Variants in PDLIM5 observed in about 807,000 individuals in gnomAD.
PDLIM5 encodes PDZ and LIM domain protein 5.
PDLIM5 carries 34 observed loss-of-function variants against 64.2 expected under a neutral mutation model. The ratio of observed to expected loss-of-function variants is 0.53; its 90% CI spans 0.40 to 0.71. PDLIM5 has a LOEUF of 0.71. PDLIM5 is among the 30% of genes least tolerant of loss of function. The probability of loss-of-function intolerance (pLI) is 0.00; values close to 1 mark genes in which losing one functional copy is unlikely to be tolerated. For synonymous variants in PDLIM5, 253 were observed against 269.1 expected (o/e 0.94, Z 0.59); for missense variants, 683 against 733.6 (o/e 0.93, Z 0.80).
At chr4:94,576,121 A>C in intron 5 of PDLIM5, 87 bp downstream of exon 5, 1 of 1,146,276 alleles carries the variant, frequency 8.7e-7, no homozygotes, top group Non-Finnish European at 1.3e-6. Context: ...CTCCCCCAAA[A>C]CCAACTTTCT....
chr4:94,648,630 A>G (rs1258430207), intron 9 of PDLIM5, among the ~76,000 whole-genome samples: 1 of 152,156 alleles, frequency 6.6e-6, no homozygotes, highest in Non-Finnish European at 1.5e-5. Context: ...TCATGAGTCT[A>G]TGGGTTAGCT....
intron 3 of PDLIM5, among the ~76,000 whole-genome samples, chr4:94,572,837 A>G (rs979384223): frequency 4.6e-5 from 7 of 152,238 alleles, no homozygotes; most frequent in Admixed American, 1.3e-4. Flanking sequence ...GAATAGGAAT[A>G]CAGAATAAAT....
chr4:94,606,220 G>A (rs960996207), intron 7 of PDLIM5, among the ~76,000 whole-genome samples: 1 of 152,154 alleles, frequency 6.6e-6, no homozygotes, highest in Non-Finnish European at 1.5e-5. Context: ...GTATCAGGGA[G>A]CTTCTAGTCT....
intron 8 of PDLIM5, among the ~76,000 whole-genome samples, chr4:94,634,830 C>T (rs151214518): frequency 6.6e-6 from 1 of 152,132 alleles, no homozygotes; most frequent in African/African-American, 2.4e-5. Flanking sequence ...CACGTACTAC[C>T]GGGAACTTGA....
chr4:94,598,335 C>T (rs1464063169), intron 7 of PDLIM5, among the ~76,000 whole-genome samples: 1 of 152,112 alleles, frequency 6.6e-6, no homozygotes, highest in Non-Finnish European at 1.5e-5. Flanking sequence ...GTAAATCTCA[C>T]CTGGTGGCAT....
At chr4:94,470,848 C>T (rs984480818) in intron 2 of PDLIM5, among the ~76,000 whole-genome samples, 3 of 152,092 alleles carry the variant, frequency 2.0e-5, no homozygotes, top group Non-Finnish European at 4.4e-5. Context: ...AATAACATAT[C>T]CAAGAGTGGG....
chr4:94,630,929 T>A (rs1317073801), intron 8 of PDLIM5, among the ~76,000 whole-genome samples: 1 of 152,144 alleles, frequency 6.6e-6, no homozygotes, highest in African/African-American at 2.4e-5. Flanking sequence ...GATCTATAAT[T>A]ATGTTTCTCA....
chr4:94,553,832 G>A (rs1019610483), intron 3 of PDLIM5, among the ~76,000 whole-genome samples: 2 of 152,170 alleles, frequency 1.3e-5, no homozygotes, highest in African/African-American at 4.8e-5. Context: ...GCTTTCCACA[G>A]AGAGTATTAT....
chr4:94,591,809 T>C (rs1383190095), intron 7 of PDLIM5, among the ~76,000 whole-genome samples: 2 of 152,240 alleles, frequency 1.3e-5, no homozygotes, highest in Non-Finnish European at 2.9e-5. Context: ...CATTTCTTAA[T>C]AAGCATCCTG....
chr4:94,479,756 T>C (rs1344526557), intron 2 of PDLIM5, among the ~76,000 whole-genome samples: 2 of 152,218 alleles, frequency 1.3e-5, no homozygotes, highest in East Asian at 3.8e-4. Flanking sequence ...TCATATCTTG[T>C]GTTTTTTTTA....
At chr4:94,618,360 C>A (rs1738957605) in intron 8 of PDLIM5, among the ~76,000 whole-genome samples, 169 bp downstream of exon 8, 1 of 152,198 alleles carries the variant, frequency 6.6e-6, no homozygotes, top group African/African-American at 2.4e-5. Flanking sequence ...TGAGACATCT[C>A]ATAAACATTC....
intron 2 of PDLIM5, among the ~76,000 whole-genome samples, chr4:94,468,523 C>T (rs1036703640): frequency 4.6e-5 from 7 of 152,104 alleles, no homozygotes; most frequent in Non-Finnish European, 7.4e-5. Context: ...TAAACCTAGT[C>T]TGTGCTCTGT....
intron 1 of PDLIM5, among the ~76,000 whole-genome samples, chr4:94,453,645 C>T (rs1723059476): frequency 6.6e-6 from 1 of 152,150 alleles, no homozygotes; most frequent in South Asian, 2.1e-4. Flanking sequence ...GTTGGCTTTA[C>T]ACGATTCTGA....
intron 1 of PDLIM5, among the ~76,000 whole-genome samples, chr4:94,453,571 C>T (rs1723054038): frequency 6.6e-6 from 1 of 152,154 alleles, no homozygotes; most frequent in Non-Finnish European, 1.5e-5. Context: ...GCCCAACTTT[C>T]ATATTATTCC....
At chr4:94,647,718 G>A (rs1008330445) in intron 9 of PDLIM5, among the ~76,000 whole-genome samples, 26 of 152,120 alleles carry the variant, frequency 1.7e-4, no homozygotes, top group Admixed American at 1.7e-3. Flanking sequence ...ATATTCTTCT[G>A]AAGTGTATGT....
intron 3 of PDLIM5, among the ~76,000 whole-genome samples, chr4:94,543,930 G>C (rs1466934547): frequency 6.6e-6 from 1 of 151,752 alleles, no homozygotes; most frequent in African/African-American, 2.4e-5. Context: ...CATTTCCTTT[G>C]GATATATACC....
intron 7 of PDLIM5, among the ~76,000 whole-genome samples, chr4:94,607,359 T>C (rs1738009959): frequency 6.6e-6 from 1 of 152,176 alleles, no homozygotes; most frequent in South Asian, 2.1e-4. Flanking sequence ...GAACTTAACA[T>C]TGAGTTCTTC....
intron 3 of PDLIM5, among the ~76,000 whole-genome samples, chr4:94,541,007 G>A (rs1163247488): frequency 2.0e-5 from 3 of 152,164 alleles, no homozygotes; most frequent in Admixed American, 2.0e-4. Flanking sequence ...ACTTCTGGGA[G>A]AACCATGTAC....
At chr4:94,464,694 C>G (rs1043949368) in intron 2 of PDLIM5, among the ~76,000 whole-genome samples, 2 of 152,108 alleles carry the variant, frequency 1.3e-5, no homozygotes, top group Non-Finnish European at 2.9e-5. Context: ...TTTGAAGTAT[C>G]TTTATGCTAC....
Sources: allele counts gnomAD v4.1 joint callset (sites outside exome capture counted in the v4.1 genomes callset), GRCh38; gene constraint gnomAD v4.1.1; transcripts MANE v1.5; gene names NCBI Gene and HGNC (gene_info 2026-07-23, HGNC 2026-07-21).